DPP10: variants seen among roughly 807,000 people sequenced by gnomAD.
DPP10 encodes the protein inactive dipeptidyl peptidase 10.
Under a neutral mutation model 120.9 loss-of-function variants are expected in DPP10, and 33 were observed. The ratio of observed to expected loss-of-function variants is 0.27; its 90% confidence interval spans 0.21 to 0.37. The LOEUF is 0.37. Among genes scored for constraint, DPP10 ranks in the 10% least tolerant of loss-of-function variants. The pLI is 1.00. For synonymous variants in DPP10, 337 were observed against 326.1 expected (o/e 1.03, Z -0.36); for missense variants, 816 against 942.8 (o/e 0.87, Z 1.76).
At chr2:115,301,032 T>A (rs2061104271) in intron 1 of DPP10, among the ~76,000 whole-genome samples, 1 of 152,182 alleles carries the variant, frequency 6.6e-6, no homozygotes, top group Non-Finnish European at 1.5e-5. Context: ...AGGCATTTTC[T>A]AGGTCTGTGT....
In DPP10 at chr2:114,574,516, G is replaced by T. The variant is rs564003272; in HGVS notation, c.60+131678G>T. Among the ~76,000 whole-genome samples the T allele has an allele frequency of 1.2e-3, 182 of 152,292 alleles. 1 individual carries two copies. The highest frequency in any genetic ancestry group is 4.1e-3 in the African/African-American group (169 of 41,548). Reference sequence around the variant, plus strand: ...GAGCCTTGGGAATGTGAAGAGGAAAGGTAGCTGGTTAACATTGTTTAACAC... The same window carrying T: ...GAGCCTTGGGAATGTGAAGAGGAAATGTAGCTGGTTAACATTGTTTAACAC... On this transcript the variant is annotated intron_variant, in intron 1 of 25. Coordinates refer to ENST00000410059, the MANE Select transcript of DPP10 (RefSeq NM_020868.6).
intron 1 of DPP10, among the ~76,000 whole-genome samples, chr2:115,014,887 A>T (rs372200208): frequency 1.4e-3 from 208 of 145,454 alleles, no homozygotes; most frequent in African/African-American, 4.8e-3. Flanking sequence ...AAAGCATGGG[A>T]TGAGACAGAT....
intron 1 of DPP10, among the ~76,000 whole-genome samples, chr2:114,526,034 C>A (rs924174563): frequency 6.6e-6 from 1 of 152,166 alleles, no homozygotes; most frequent in Non-Finnish European, 1.5e-5. Context: ...AATCTTCACA[C>A]GTTTAACTTA....
intron 1 of DPP10, among the ~76,000 whole-genome samples, chr2:114,518,638 A>G (rs1239564789): frequency 6.6e-6 from 1 of 152,206 alleles, no homozygotes; most frequent in Non-Finnish European, 1.5e-5. Context: ...CCTCCCCGGC[A>G]GCATTGGCAT....
intron 21 of DPP10, among the ~76,000 whole-genome samples, chr2:115,830,790 A>G (rs1423921074): frequency 2.6e-5 from 4 of 152,202 alleles, no homozygotes; most frequent in Non-Finnish European, 4.4e-5. Context: ...AAGGCAATGT[A>G]AGGAGATAAG....
chr2:115,292,158 T>C (rs985648432), intron 1 of DPP10, among the ~76,000 whole-genome samples: 4 of 152,142 alleles, frequency 2.6e-5, no homozygotes, highest in African/African-American at 9.6e-5. Context: ...TAATTTTAAT[T>C]ACTGCTCTTT....
chr2:115,687,236 T>C (rs535130305), intron 5 of DPP10, among the ~76,000 whole-genome samples: 72 of 152,066 alleles, frequency 4.7e-4, no homozygotes, highest in Non-Finnish European at 8.8e-4. Flanking sequence ...GAAAGAGAGA[T>C]AGAAATTTCT....
intron 1 of DPP10, among the ~76,000 whole-genome samples, chr2:114,813,984 A>G (rs949585957): frequency 2.0e-5 from 3 of 147,728 alleles, no homozygotes; most frequent in Admixed American, 6.7e-5. Flanking sequence ...ACACACACAC[A>G]CACCACGAGC....
chr2:114,801,205 G>T (rs1684177708), intron 1 of DPP10, among the ~76,000 whole-genome samples: 2 of 150,062 alleles, frequency 1.3e-5, no homozygotes, highest in African/African-American at 4.9e-5. Context: ...AGAGATTGCG[G>T]TGAGCCGAGA....
At chr2:114,729,818 T>A (rs1676716045) in intron 1 of DPP10, among the ~76,000 whole-genome samples, 1 of 152,190 alleles carries the variant, frequency 6.6e-6, no homozygotes. Flanking sequence ...GTGGTCCTAT[T>A]TATAGCCTCA....
At chr2:115,559,648 A>G (rs940319316) in intron 5 of DPP10, among the ~76,000 whole-genome samples, 1 of 152,014 alleles carries the variant, frequency 6.6e-6, no homozygotes, top group Non-Finnish European at 1.5e-5. Context: ...TGTGGTTTGT[A>G]TTTTTGTTTT....
At chr2:114,756,403 T>G (rs1240846272) in intron 1 of DPP10, among the ~76,000 whole-genome samples, 1 of 152,202 alleles carries the variant, frequency 6.6e-6, no homozygotes, top group Non-Finnish European at 1.5e-5. Context: ...GATGTTTGGT[T>G]GGCAACAGTT....
At chr2:115,177,934 T>C (rs987832704) in intron 1 of DPP10, among the ~76,000 whole-genome samples, 10 of 152,044 alleles carry the variant, frequency 6.6e-5, no homozygotes, top group Non-Finnish European at 1.0e-4. Flanking sequence ...CGGCTAACTT[T>C]TTGTATTTTT....
Position 115,380,587 on chromosome 2 carries a change from C to A in DPP10, c.271+36675C>A, listed in dbSNP as rs555723883. Among the ~76,000 whole-genome samples, 794 of 151,534 alleles carry A rather than the reference C, an allele frequency of 5.2e-3. 4 individuals are homozygous for A. Among genetic ancestry groups the A allele is most frequent in the African/African-American group, 0.017 (720 of 41,236 alleles). On this transcript the variant is annotated intron_variant, in intron 3 of 25. Transcript: ENST00000410059. Reference sequence around the variant, plus strand: ...AATATTGTTATGTGTGAATTTGATCCTGTCATTATGATGTTAGCTGGTTAT... The same window carrying A: ...AATATTGTTATGTGTGAATTTGATCATGTCATTATGATGTTAGCTGGTTAT...
intron 1 of DPP10, among the ~76,000 whole-genome samples, chr2:114,790,808 G>A (rs1354248996): frequency 6.6e-6 from 1 of 152,170 alleles, no homozygotes; most frequent in Admixed American, 6.6e-5. Context: ...ATCAGTTAAG[G>A]TGGGGCAGGG....
In DPP10 at chr2:115,821,912, A is replaced by C. The variant is rs7588496; in HGVS notation, c.1950+6183A>C. ...TAAGAGTAGAATTGTTAAGTCACATAGTAATTCCATGTTTACCTGTATAAG... is the reference window on the plus strand; with the variant it reads ...TAAGAGTAGAATTGTTAAGTCACATCGTAATTCCATGTTTACCTGTATAAG... On this transcript the variant is annotated intron_variant, in intron 21 of 25. Coordinates refer to ENST00000410059, the MANE Select transcript of DPP10 (RefSeq NM_020868.6). 1.4e-3 allele frequency among the ~76,000 whole-genome samples: 219 copies of C among 152,160 alleles called. 1 individual carries two copies. The highest frequency in any genetic ancestry group is 5.1e-3 in the African/African-American group (213 of 41,588).
intron 8 of DPP10, among the ~76,000 whole-genome samples, chr2:115,734,561 C>A (rs1422637496): frequency 6.8e-6 from 1 of 148,084 alleles, no homozygotes; most frequent in East Asian, 2.0e-4. Context: ...GAGGCTGAGG[C>A]AGGAAAATCA....
chr2:114,805,932 C>T (rs1384110366), intron 1 of DPP10, among the ~76,000 whole-genome samples: 1 of 152,150 alleles, frequency 6.6e-6, no homozygotes, highest in Non-Finnish European at 1.5e-5. Flanking sequence ...GGAGGGGAAA[C>T]TGGAGACTTT....
chr2:114,749,672 T>G (rs1462541007), intron 1 of DPP10, among the ~76,000 whole-genome samples: 1 of 151,752 alleles, frequency 6.6e-6, no homozygotes, highest in Admixed American at 6.6e-5. Context: ...CTGCAACCTC[T>G]GCCTCCTATC....
Sources: allele counts gnomAD v4.1 joint callset (sites outside exome capture counted in the v4.1 genomes callset), GRCh38; gene constraint gnomAD v4.1.1; transcripts MANE v1.5; gene names NCBI Gene and HGNC (gene_info 2026-07-23, HGNC 2026-07-21).